Variants in ARAP2 observed in about 807,000 individuals in gnomAD.
ARAP2 encodes ArfGAP with RhoGAP domain, ankyrin repeat and PH domain 2.
Under a neutral mutation model 194.5 loss-of-function variants are expected in ARAP2, and 148 were observed. That is an observed-to-expected ratio of 0.76 (90% CI 0.67 to 0.87). The LOEUF (loss-of-function observed/expected upper bound fraction) is 0.87. Ranked by LOEUF, ARAP2 falls within the 40% of genes least tolerant of loss-of-function variation. The probability of loss-of-function intolerance (pLI) is 0.00; values close to 1 mark genes in which losing one functional copy is unlikely to be tolerated. For missense variants in ARAP2, 2,128 were observed against 1,989.7 expected, an observed-to-expected ratio of 1.07 and a Z score of -1.32; for synonymous variants, 695 against 683.5, an observed-to-expected ratio of 1.02 and a Z score of -0.26.
chr4:36,124,268 A>C (rs1723353012), intron 22 of ARAP2, among the ~76,000 whole-genome samples: 1 of 151,722 alleles, frequency 6.6e-6, no homozygotes, highest in Admixed American at 6.6e-5. Flanking sequence ...CCTTAATCAA[A>C]ATTTATATTT....
At chr4:36,209,193 A>G (rs1167742112) in intron 6 of ARAP2, among the ~76,000 whole-genome samples, 1 of 152,184 alleles carries the variant, frequency 6.6e-6, no homozygotes, top group Non-Finnish European at 1.5e-5. Context: ...TTTTATAAAA[A>G]TGAAAGATTC....
intron 9 of ARAP2, among the ~76,000 whole-genome samples, chr4:36,176,973 T>C (rs976823690): frequency 3.2e-4 from 49 of 152,164 alleles, no homozygotes; most frequent in African/African-American, 1.1e-3. Flanking sequence ...AAGTGCACAG[T>C]TCAATTCCAC....
chr4:36,127,185 T>C (rs1724142536), intron 21 of ARAP2, among the ~76,000 whole-genome samples: 1 of 152,104 alleles, frequency 6.6e-6, no homozygotes, highest in Admixed American at 6.6e-5. Flanking sequence ...AAATTATAAG[T>C]CTATAAAGTA....
At chr4:36,099,244 T>A (rs1410452679) in intron 27 of ARAP2, among the ~76,000 whole-genome samples, 1 of 152,160 alleles carries the variant, frequency 6.6e-6, no homozygotes, top group African/African-American at 2.4e-5. Context: ...CATTCCTTTT[T>A]ATAGCTGCAT....
At chr4:36,076,791 A>G (rs1393151112) in intron 31 of ARAP2, among the ~76,000 whole-genome samples, 1 of 152,132 alleles carries the variant, frequency 6.6e-6, no homozygotes, top group African/African-American at 2.4e-5. Context: ...CCTGCTGCCC[A>G]GCATACATAT....
At chr4:36,241,359 G>A (rs986180929) in intron 1 of ARAP2, among the ~76,000 whole-genome samples, 2 of 152,136 alleles carry the variant, frequency 1.3e-5, no homozygotes, top group Non-Finnish European at 2.9e-5. Flanking sequence ...CTTATAAAAA[G>A]AGGGCATTTC....
intron 6 of ARAP2, among the ~76,000 whole-genome samples, chr4:36,016,504 A>G (rs1341457924): frequency 7.6e-6 from 1 of 131,668 alleles, no homozygotes; most frequent in East Asian, 2.4e-4. Flanking sequence ...CGTGCTTGAA[A>G]TCTTTCAGAG....
intron 1 of ARAP2, among the ~76,000 whole-genome samples, chr4:36,230,267 G>A (rs1751181131): frequency 6.6e-6 from 1 of 152,196 alleles, no homozygotes; most frequent in Admixed American, 6.5e-5. Flanking sequence ...GGCACTGAAA[G>A]AATGTTCTTT....
intron 20 of ARAP2, among the ~76,000 whole-genome samples, chr4:36,131,346 TATATA>T (rs747869329): frequency 6.7e-6 from 1 of 150,338 alleles, no homozygotes; most frequent in Non-Finnish European, 1.5e-5. Flanking sequence ...TGTATAACTA[TATATA>T]ATATAAAAAT....
chr4:36,198,142 G>A (rs1248504389), intron 6 of ARAP2, among the ~76,000 whole-genome samples: 1 of 152,200 alleles, frequency 6.6e-6, no homozygotes, highest in Non-Finnish European at 1.5e-5. Flanking sequence ...GAATAGCTCA[G>A]AGGAGGTCCT....
chr4:36,183,700 G>A (rs1739824503), intron 8 of ARAP2, among the ~76,000 whole-genome samples: 1 of 152,198 alleles, frequency 6.6e-6, no homozygotes, highest in Non-Finnish European at 1.5e-5. Flanking sequence ...ACTTTGGGAA[G>A]TGTATTTTTT....
intron 1 of ARAP2, among the ~76,000 whole-genome samples, chr4:36,241,448 A>G (rs1192346966): frequency 6.6e-6 from 1 of 152,210 alleles, no homozygotes; most frequent in Non-Finnish European, 1.5e-5. Flanking sequence ...TACTCGCTCC[A>G]AGATAAGAGA....
chr4:36,169,393 A>G (rs1243071385), intron 9 of ARAP2, among the ~76,000 whole-genome samples: 1 of 152,214 alleles, frequency 6.6e-6, no homozygotes, highest in Non-Finnish European at 1.5e-5. Flanking sequence ...AGCCTCATCA[A>G]GGCTCCTGCA....
intron 11 of ARAP2, 41 bp from the exon 12 acceptor site, chr4:36,161,591 T>A: frequency 6.6e-7 from 1 of 1,512,838 alleles, no homozygotes; most frequent in Non-Finnish European, 9.2e-7. Flanking sequence ...TTAATTTGTA[T>A]GTAAATTTAT....
In ARAP2 at chr4:36,187,466, T is replaced by C; in HGVS notation, c.1663A>G (p.Arg555Gly). ...VVTTQRTFVF[R>G]VEKEEERNDW... ...ATAATCTCACCTTCTTTTTCTACTCTAAAAACAAAAGTTCTTTGTGTTGTA... is the reference window on the plus strand; with the variant it reads ...ATAATCTCACCTTCTTTTTCTACTCCAAAAACAAAAGTTCTTTGTGTTGTA... Residue 555 changes from arginine to glycine, a missense_variant, in exon 8 of 33, where the codon AGA (arginine) becomes GGA (glycine). By Grantham distance (125) the Arg-to-Gly change is moderately radical. Transcript: ENST00000303965. 6.9e-7 allele frequency: 1 copy of C among 1,449,112 alleles called. No individual in the cohort carries two copies. Among genetic ancestry groups the C allele is most frequent in the Non-Finnish European group, 9.3e-7 (1 of 1,072,594 alleles). The allele number at this position is 1,449,112 out of a possible 1,614,324, so 89.8% of individuals were successfully genotyped here.
chr4:36,054,869 C>A (rs1199426298), intron 2 of ARAP2, among the ~76,000 whole-genome samples: 1 of 151,970 alleles, frequency 6.6e-6, no homozygotes, highest in Non-Finnish European at 1.5e-5. Flanking sequence ...TAGAAGATCC[C>A]CTGATAGTCT....
At chr4:36,045,431 C>G (rs1389481359) in intron 5 of ARAP2, among the ~76,000 whole-genome samples, 1 of 152,014 alleles carries the variant, frequency 6.6e-6, no homozygotes, top group Non-Finnish European at 1.5e-5. Flanking sequence ...AGGGAAGTAA[C>G]TTAGGCACAG....
At chr4:36,030,361 G>A (rs1224450079) in intron 5 of ARAP2, among the ~76,000 whole-genome samples, 2 of 152,038 alleles carry the variant, frequency 1.3e-5, no homozygotes, top group Admixed American at 1.3e-4. Flanking sequence ...TATCTCCAAA[G>A]TTAAATATTT....
chr4:36,172,531 G>T (rs966815864), intron 9 of ARAP2, among the ~76,000 whole-genome samples: 1 of 151,900 alleles, frequency 6.6e-6, no homozygotes, highest in African/African-American at 2.4e-5. Context: ...TAAACATTCG[G>T]ATAAAATTAA....
Sources: gnomAD v4.1 joint callset for allele counts (sites outside exome capture counted in the v4.1 genomes callset) on GRCh38, gnomAD v4.1.1 for gene constraint, MANE v1.5 for transcripts, NCBI Gene and HGNC (gene_info 2026-07-23, HGNC 2026-07-21) for gene names.